Variants in CRAMP1 observed in about 807,000 individuals in gnomAD.
CRAMP1 encodes the protein protein cramped-like.
CRAMP1 carries 50 observed loss-of-function variants against 115.4 expected under a neutral mutation model. That is an observed-to-expected ratio of 0.43 (90% CI 0.35 to 0.55). The LOEUF (loss-of-function observed/expected upper bound fraction) is 0.55. Among genes scored for constraint, CRAMP1 ranks in the 20% least tolerant of loss-of-function variants. CRAMP1 has a pLI of 0.01. For missense variants in CRAMP1, 1,679 were observed against 1,721.7 expected, an observed-to-expected ratio of 0.98 and a Z score of 0.44; for synonymous variants, 866 against 745.4, an observed-to-expected ratio of 1.16 and a Z score of -2.64.
intron 3 of CRAMP1, among the ~76,000 whole-genome samples, chr16:1,628,956 A>G (rs977693551): frequency 6.6e-6 from 1 of 152,112 alleles, no homozygotes; most frequent in African/African-American, 2.4e-5. Flanking sequence ...CCGTCCAGTT[A>G]TGGCCCGTCC....
At chr16:1,632,079 G>T in intron 3 of CRAMP1, 133 bp from the exon 4 acceptor site, 3 of 935,190 alleles carry the variant, frequency 3.2e-6, no homozygotes, top group Non-Finnish European at 4.7e-6. Context: ...ACAGATAAGA[G>T]CTTGGAAGGG....
Position 1,614,901 on chromosome 16 carries a change from C to A in CRAMP1, c.262C>A (p.Arg88=). Residue 88 remains arginine, a synonymous_variant, in exon 2 of 21, where the codon CGG becomes AGG. Transcript: ENST00000397412. The surrounding 1 kb of genome is among the most constrained non-coding windows in gnomAD (Gnocchi z 4.4). The stretch of plus-strand genomic sequence containing the variant: ...GCACCACTTCCTCCGGTCCAGCGTG[C>A]GGCCGCAGAGCAAGAGGCCCAGGAA... ...DQHHFLRSSV[R]PQSKRPRKDP... 1 of 1,323,808 alleles carries A rather than the reference C, an allele frequency of 7.6e-7. No individual in the cohort carries two copies. 82.0% of individuals were successfully genotyped at this position (1,323,808 alleles called of 1,614,324 possible).
rs1297672272 is a variant in CRAMP1 at position 1,674,536 on chromosome 16, C to T, written c.*491C>T. The T allele has an allele frequency of 6.2e-6, 1 of 162,016 alleles. No individual in the cohort carries two copies. Among genetic ancestry groups the T allele is most frequent in the Non-Finnish European group, 1.4e-5 (1 of 73,966 alleles). 10.0% of individuals were successfully genotyped at this position (162,016 alleles called of 1,614,324 possible). The stretch of plus-strand genomic sequence containing the variant: ...CCTCTGTGGACTGTAACGGGCAGGA[C>T]AGTTGGGTGTGGCCTGGGCTCATGC... On this transcript the variant is annotated 3_prime_UTR_variant, in exon 21 of 21. Transcript: ENST00000397412.
At chr16:1,653,828 A>G (rs1276393750) in intron 8 of CRAMP1, among the ~76,000 whole-genome samples, 2 of 147,762 alleles carry the variant, frequency 1.4e-5, no homozygotes, top group East Asian at 4.1e-4. Context: ...CTCAAAAAAA[A>G]AAAAAAAAAC....
intron 14 of CRAMP1, chr16:1,665,825 A>T: frequency 1.9e-6 from 1 of 518,622 alleles, no homozygotes; most frequent in Non-Finnish European, 3.5e-6. Context: ...GCAGGATGAC[A>T]GTGGTGACCG....
chr16:1,666,724 G>C lies in CRAMP1; in HGVS notation c.3036+124G>C. 1 of 895,692 alleles carries C rather than the reference G, an allele frequency of 1.1e-6. No individual in the cohort carries two copies. The highest frequency in any genetic ancestry group is 1.6e-5 in the South Asian group (1 of 62,358). 55.5% of individuals were successfully genotyped at this position (895,692 alleles called of 1,614,324 possible). A position where few individuals can be genotyped will look rare whatever the true frequency, so the allele number is the denominator to read the frequency against. On this transcript the variant is annotated intron_variant, in intron 16 of 20. Transcript: ENST00000397412. This position sits in a 1 kb window ranked among gnomAD's most constrained non-coding sequence, Gnocchi z 5.0. ...TTGGAGGAGAGTCTCTGGACCAGGGGTGCCATGGCATAAGCAAACTCTGTG... is the reference window on the plus strand; with the variant it reads ...TTGGAGGAGAGTCTCTGGACCAGGGCTGCCATGGCATAAGCAAACTCTGTG...
At chr16:1,665,966 C>T in intron 14 of CRAMP1, 107 bp from the exon 15 acceptor site, 1 of 723,352 alleles carries the variant, frequency 1.4e-6, no homozygotes, top group Non-Finnish European at 2.4e-6. Context: ...TGGCTCGGCT[C>T]CCACACTCCC....
At chr16:1,641,775 C>A (rs1596488467) in intron 6 of CRAMP1, among the ~76,000 whole-genome samples, 1 of 152,290 alleles carries the variant, frequency 6.6e-6, no homozygotes, top group Non-Finnish European at 1.5e-5. Flanking sequence ...CCACCCTACT[C>A]CACAGCCTGG....
rs769355143 is a variant in CRAMP1 at position 1,654,883 on chromosome 16, G to A, written c.1038-336G>A. On this transcript the variant is annotated intron_variant, in intron 8 of 20. Transcript: ENST00000397412. Reference sequence around the variant, plus strand: ...GAATGTATTAACACTGTCCAGGCCCGCCCGCCCTTGAAGCCAGAAGGAGCT... The same window carrying A: ...GAATGTATTAACACTGTCCAGGCCCACCCGCCCTTGAAGCCAGAAGGAGCT... 5.3e-4 allele frequency among the ~76,000 whole-genome samples: 81 copies of A among 152,218 alleles called. 1 individual carries two copies. Among genetic ancestry groups the A allele is most frequent in the Non-Finnish European group, 8.8e-4 (60 of 68,036 alleles).
intron 3 of CRAMP1, among the ~76,000 whole-genome samples, chr16:1,629,420 C>T (rs999024394): frequency 6.6e-6 from 1 of 152,204 alleles, no homozygotes; most frequent in Admixed American, 6.5e-5. Context: ...TTGCCGTTAC[C>T]GTGTGTATAT....
chr16:1,650,480 A>G (rs1221525446), intron 6 of CRAMP1, among the ~76,000 whole-genome samples: 3 of 152,218 alleles, frequency 2.0e-5, no homozygotes, highest in East Asian at 3.8e-4. Context: ...GTCTTAAGCA[A>G]TTTTCAAACA....
In CRAMP1 at chr16:1,632,488, T is replaced by C. The variant is rs1264877741; in HGVS notation, c.694+123T>C. ...GCATTTTCTCACCAGCCGCTTGGCCTGGGGCTCCTCGCCTTGCAGCGCTTT... is the reference window on the plus strand; with the variant it reads ...GCATTTTCTCACCAGCCGCTTGGCCCGGGGCTCCTCGCCTTGCAGCGCTTT... On this transcript the variant is annotated intron_variant, in intron 4 of 20. Transcript: ENST00000397412. 5.9e-6 allele frequency: 6 copies of C among 1,008,854 alleles called. No homozygotes were observed. In the Admixed American group the frequency reaches 1.7e-4, roughly 28 times the overall value. 62.5% of individuals were successfully genotyped at this position (1,008,854 alleles called of 1,614,324 possible).
chr16:1,659,590 T>C (rs2036806787), intron 10 of CRAMP1, among the ~76,000 whole-genome samples: 1 of 152,106 alleles, frequency 6.6e-6, no homozygotes, highest in Non-Finnish European at 1.5e-5. Context: ...CGTTTCACCG[T>C]GTTAGCCAGG....
intron 14 of CRAMP1, chr16:1,665,669 C>T (rs1171441528): frequency 8.8e-6 from 2 of 226,458 alleles, no homozygotes; most frequent in Non-Finnish European, 1.7e-5. Flanking sequence ...TTTTCTCTTG[C>T]CTACTTGTCA....
At chr16:1,653,641 A>G (rs2036743276) in intron 8 of CRAMP1, among the ~76,000 whole-genome samples, 1 of 151,108 alleles carries the variant, frequency 6.6e-6, no homozygotes, top group East Asian at 1.9e-4. Flanking sequence ...CTTTCTGGCT[A>G]ACGCCGTGAA....
At chr16:1,638,693 G>T (rs967462245) in intron 5 of CRAMP1, among the ~76,000 whole-genome samples, 8 of 152,162 alleles carry the variant, frequency 5.3e-5, no homozygotes, top group Non-Finnish European at 1.0e-4. Flanking sequence ...TCTTCAGTGG[G>T]ATACTGCACG....
chr16:1,654,358 C>T (rs542049120), intron 8 of CRAMP1, among the ~76,000 whole-genome samples: 5 of 151,884 alleles, frequency 3.3e-5, no homozygotes, highest in Middle Eastern at 3.4e-3. Context: ...ATTACATGCG[C>T]GTGCCACCAC....
At chr16:1,670,618 G>A (rs2036914174) in intron 19 of CRAMP1, 46 bp from the exon 20 acceptor site, 1 of 1,607,148 alleles carries the variant, frequency 6.2e-7, no homozygotes, top group Admixed American at 1.7e-5. Context: ...GACTGGTCCA[G>A]ACCAAGCAGG....
intron 2 of CRAMP1, among the ~76,000 whole-genome samples, chr16:1,622,944 A>G (rs906180870): frequency 2.3e-4 from 35 of 151,978 alleles, no homozygotes; most frequent in African/African-American, 7.5e-4. Context: ...TATATTTAGT[A>G]GAGACAGGGT....
Sources: gnomAD v4.1 joint callset for allele counts (sites outside exome capture counted in the v4.1 genomes callset) on GRCh38, gnomAD v4.1.1 for gene constraint, Gnocchi (gnomAD v3.1) non-coding constraint, MANE v1.5 for transcripts, NCBI Gene and HGNC (gene_info 2026-07-23, HGNC 2026-07-21) for gene names.